KIAA0930: variants seen among roughly 807,000 people sequenced by gnomAD.
KIAA0930 encodes the protein KIAA0930.
In KIAA0930, 24 loss-of-function variants were observed where a neutral mutation model predicts 43.9. The observed-to-expected ratio is 0.55, with a 90% CI of 0.40 to 0.77. The LOEUF (loss-of-function observed/expected upper bound fraction) is 0.77. Ranked by LOEUF, KIAA0930 falls within the 30% of genes least tolerant of loss-of-function variation. KIAA0930 has a pLI of 0.00. For synonymous variants in KIAA0930, 259 were observed against 216.4 expected, an observed-to-expected ratio of 1.20 and a Z score of -1.73; for missense variants, 461 against 574.2, an observed-to-expected ratio of 0.80 and a Z score of 2.02.
chr22:45,240,252 G>GTGTA (rs1327021067), intron 1 of KIAA0930, among the ~76,000 whole-genome samples: 4 of 152,344 alleles, frequency 2.6e-5, no homozygotes, highest in African/African-American at 9.6e-5. Context: ...TGGGCTAAGG[G>GTGTA]TGTACCCAGA....
In KIAA0930 at chr22:45,212,048, C is replaced by G. The variant is rs773644044; in HGVS notation, c.124G>C (p.Glu42Gln). The G allele has an allele frequency of 6.2e-7, 1 of 1,613,960 alleles. No homozygotes were observed. The highest frequency in any genetic ancestry group is 1.1e-5 in the South Asian group (1 of 91,080). ...TCGTCCTGCCGGGGAGCCCATTTCT[C>G]CATGAAGTAGGTGGAGAACATCCAA... ...WTWMFSTYFM[E>Q]KWAPRQDDML... The change falls in exon 2 of 10, where the codon GAG (glutamate) becomes CAG (glutamine). Residue 42 changes from glutamate to glutamine, a missense_variant. By Grantham distance (29) the Glu-to-Gln change is conservative. Transcript: ENST00000336156.
At chr22:45,218,689 A>T (rs908109336) in intron 1 of KIAA0930, among the ~76,000 whole-genome samples, 20 of 152,124 alleles carry the variant, frequency 1.3e-4, no homozygotes, top group Non-Finnish European at 2.6e-4. Context: ...CTCCTGGATA[A>T]GCCCACATCC....
At chr22:45,203,721 G>A in intron 6 of KIAA0930, 124 bp downstream of exon 6, 2 of 1,078,780 alleles carry the variant, frequency 1.9e-6, no homozygotes, top group Non-Finnish European at 2.6e-6. Flanking sequence ...GGGGCTGCAG[G>A]TACCCCTGGC....
Position 45,203,033 on chromosome 22 carries a change from C to T in KIAA0930, c.809G>A (p.Gly270Glu). 6.2e-7 allele frequency: 1 copy of T among 1,613,390 alleles called. No individual in the cohort carries two copies. Residue 270 changes from glycine to glutamate, a missense_variant, in exon 7 of 10, where the codon GGG (glycine) becomes GAG (glutamate). Coordinates refer to ENST00000336156, the MANE Select transcript of KIAA0930 (RefSeq NM_001009880.2). Reference sequence around the variant, plus strand: ...AGCTGGGCTGGAGTCCTCTTCAGTCCCACAGGGGGATGTGTCACCTGTAGA... The same window carrying T: ...AGCTGGGCTGGAGTCCTCTTCAGTCTCACAGGGGGATGTGTCACCTGTAGA... ...RVSTGDTSPC[G>E]TEEDSSPASP...
At chr22:45,231,203 A>G (rs1230632863) in intron 1 of KIAA0930, among the ~76,000 whole-genome samples, 2 of 149,184 alleles carry the variant, frequency 1.3e-5, no homozygotes, top group African/African-American at 4.9e-5. Flanking sequence ...CAGTGAGCCA[A>G]GATCTGAGAC....
At chr22:45,209,727 C>T (rs945748706) in intron 2 of KIAA0930, among the ~76,000 whole-genome samples, 2 of 152,238 alleles carry the variant, frequency 1.3e-5, no homozygotes, top group African/African-American at 4.8e-5. Context: ...CATTTCTGTG[C>T]TCCCAGCACT....
chr22:45,225,516 G>A (rs536611329), intron 1 of KIAA0930, among the ~76,000 whole-genome samples: 20 of 152,306 alleles, frequency 1.3e-4, no homozygotes, highest in African/African-American at 4.6e-4. Context: ...TGTGGTCCCC[G>A]ATGTTCCAGC....
At chr22:45,236,697 C>T (rs1301482176) in intron 1 of KIAA0930, among the ~76,000 whole-genome samples, 2 of 152,164 alleles carry the variant, frequency 1.3e-5, no homozygotes, top group African/African-American at 2.4e-5. Context: ...CGGCCACTTC[C>T]TAGCCTTGCA....
At chr22:45,237,541 AG>A (rs1287619375) in intron 1 of KIAA0930, among the ~76,000 whole-genome samples, 1 of 152,266 alleles carries the variant, frequency 6.6e-6, no homozygotes, top group Non-Finnish European at 1.5e-5. Flanking sequence ...ACACTGACTC[AG>A]AGAATGACAA....
chr22:45,233,793 T>C (rs1432010531), intron 1 of KIAA0930, among the ~76,000 whole-genome samples: 1 of 152,176 alleles, frequency 6.6e-6, no homozygotes, highest in East Asian at 1.9e-4. Context: ...CTCTGCTTCA[T>C]CCCTGTAAGA....
At chr22:45,207,974 C>T (rs1264429568) in intron 2 of KIAA0930, among the ~76,000 whole-genome samples, 4 of 152,280 alleles carry the variant, frequency 2.6e-5, no homozygotes, top group Middle Eastern at 3.4e-3. Context: ...CTCAGCAAAG[C>T]GCTGTGGACT....
At chr22:45,212,413 A>G in intron 1 of KIAA0930, 1 of 1,548,768 alleles carries the variant, frequency 6.5e-7, no homozygotes, top group Non-Finnish European at 8.7e-7. Flanking sequence ...GAAAAGGAAA[A>G]TCCCGAGGAG....
rs917435056 is a variant in KIAA0930, at chr22:45,232,678, G to GC, written c.64+7961dup. Among the ~76,000 whole-genome samples, 5 of 152,298 alleles carry GC rather than the reference G, an allele frequency of 3.3e-5. No homozygotes were observed. In the East Asian group the frequency reaches 5.8e-4, roughly 18 times the overall value. ...GAAACTGGGACACTGGGAGCAAACT[G>GC]CCCCCCTACCTTGGGAGGGTAGAGC... On this transcript the variant is annotated intron_variant, in intron 1 of 9. Transcript: ENST00000336156.
chr22:45,199,585 G>T (rs1266554940), intron 8 of KIAA0930, among the ~76,000 whole-genome samples: 1 of 152,204 alleles, frequency 6.6e-6, no homozygotes, highest in Non-Finnish European at 1.5e-5. Context: ...AAAAGCCTTA[G>T]AAAGGTGGGA....
intron 1 of KIAA0930, among the ~76,000 whole-genome samples, chr22:45,217,321 A>C (rs1259235323): frequency 7.2e-6 from 1 of 138,626 alleles, no homozygotes; most frequent in Non-Finnish European, 1.5e-5. Flanking sequence ...AAATCACGCC[A>C]CTGCACTCTA....
chr22:45,203,914 G>A lies in KIAA0930; in HGVS notation c.588C>T (p.Asn196=). The A allele has an allele frequency of 1.9e-6, 3 of 1,613,676 alleles. No homozygotes were observed. The highest frequency in any genetic ancestry group is 4.5e-5 in the East Asian group (2 of 44,836). ...CVELVASDKT[N]TFQGVIFQGS... ...CCTGAAAGATGACCCCCTGGAACGT[G>A]TTGGTTTTGTCACTAGCCACCAGCT... The change falls in exon 6 of 10, where the codon AAC becomes AAT. Residue 196 remains asparagine (N), a synonymous_variant. Transcript: ENST00000336156.
At chr22:45,240,485 C>T (rs913201616) in intron 1 of KIAA0930, among the ~76,000 whole-genome samples, 155 bp downstream of exon 1, 1 of 151,330 alleles carries the variant, frequency 6.6e-6, no homozygotes, top group Non-Finnish European at 1.5e-5. Context: ...GGGGGGGGGG[C>T]CATGGAGGAA....
chr22:45,205,214 C>A lies in KIAA0930; in HGVS notation c.516+3G>T, dbSNP rs1470194972. ...AAGGAGAGAGGCCCTGTGCAGAGCT[C>A]ACCTCCTCGAAGCTGTCAATCATGA... On this transcript the variant is annotated splice_donor_region_variant and intron_variant, in intron 5 of 9. Transcript: ENST00000336156. 6.2e-7 allele frequency: 1 copy of A among 1,610,370 alleles called. No homozygotes were observed. The highest frequency in any genetic ancestry group is 1.3e-5 in the African/African-American group (1 of 74,852).
At chr22:45,218,333 ATTTTTTTTT>A (rs752298111) in intron 1 of KIAA0930, among the ~76,000 whole-genome samples, 2 of 51,702 alleles carry the variant, frequency 3.9e-5, no homozygotes, top group East Asian at 7.0e-4. Context: ...AATTTTTTTG[ATTTTTTTTT>A]TTTTTTTTTT....
Sources: allele counts gnomAD v4.1 joint callset (sites outside exome capture counted in the v4.1 genomes callset), GRCh38; gene constraint gnomAD v4.1.1; transcripts MANE v1.5; gene names NCBI Gene and HGNC (gene_info 2026-07-23, HGNC 2026-07-21).